Variants in RPGRIP1 observed in about 807,000 individuals in gnomAD.
The protein encoded by RPGRIP1 is RPGR interacting protein 1.
A neutral mutation model predicts 157.9 loss-of-function variants in RPGRIP1; 128 were observed. The observed-to-expected ratio is 0.81, with a 90% CI of 0.70 to 0.94. The LOEUF (loss-of-function observed/expected upper bound fraction) is 0.94, where lower values mean the gene tolerates loss of function less well. RPGRIP1 is among the 40% of genes least tolerant of loss of function. The pLI, the probability that RPGRIP1 is intolerant of heterozygous loss-of-function variation, is 0.00. For synonymous variants in RPGRIP1, 554 were observed against 571.6 expected, an observed-to-expected ratio of 0.97 and a Z score of 0.44; for missense variants, 1,486 against 1,545.8, an observed-to-expected ratio of 0.96 and a Z score of 0.65.
intron 11 of RPGRIP1, among the ~76,000 whole-genome samples, chr14:21,318,616 C>T (rs1266413624): frequency 6.6e-6 from 1 of 152,052 alleles, no homozygotes. Flanking sequence ...GCTGGGATTG[C>T]AGGTGCCCAC....
intron 1 of RPGRIP1, among the ~76,000 whole-genome samples, chr14:21,281,043 G>T (rs1880106412): frequency 6.7e-6 from 1 of 148,498 alleles, no homozygotes; most frequent in Non-Finnish European, 1.5e-5. Context: ...TTTTGAGACA[G>T]AATCTCTCTC....
At chr14:21,310,548 TAAATC>T (rs1312448360) in intron 7 of RPGRIP1, 31 bp from the exon 8 acceptor site, 1 of 1,138,924 alleles carries the variant, frequency 8.8e-7, no homozygotes. Flanking sequence ...ATGAAATTGA[TAAATC>T]AATAAAATAA....
At chr14:21,349,657 G>T (rs1428114762) in intron 24 of RPGRIP1, among the ~76,000 whole-genome samples, 1 of 151,854 alleles carries the variant, frequency 6.6e-6, no homozygotes, top group East Asian at 1.9e-4. Context: ...CCTCCACTCA[G>T]CCTCCCAAAG....
At chr14:21,295,456 TATTTATTTA>T (rs1880729159) in intron 3 of RPGRIP1, among the ~76,000 whole-genome samples, 1 of 136,710 alleles carries the variant, frequency 7.3e-6, no homozygotes, top group East Asian at 2.1e-4. Flanking sequence ...TTTATTTATT[TATTTATTTA>T]TTTATTTTTG....
chr14:21,350,628 G>A (rs1380782546), intron 24 of RPGRIP1, among the ~76,000 whole-genome samples: 4 of 152,114 alleles, frequency 2.6e-5, no homozygotes, highest in Admixed American at 1.3e-4. Context: ...TCTATAAAAC[G>A]GGAATAACAG....
At chr14:21,315,563 G>C (rs536157759) in intron 10 of RPGRIP1, among the ~76,000 whole-genome samples, 6 of 151,986 alleles carry the variant, frequency 3.9e-5, no homozygotes, top group Admixed American at 1.3e-4. Context: ...AAGGCAGCAG[G>C]GGGTAGATTG....
At chr14:21,319,895 G>C in intron 11 of RPGRIP1, 122 bp from the exon 12 acceptor site, 1 of 965,632 alleles carries the variant, frequency 1.0e-6, no homozygotes, top group Non-Finnish European at 1.5e-6. Context: ...ATAGAGAATT[G>C]CTTCTCAAAT....
At chr14:21,348,021 C>A in intron 23 of RPGRIP1, 151 bp from the exon 24 acceptor site, 1 of 612,542 alleles carries the variant, frequency 1.6e-6, no homozygotes, top group South Asian at 2.6e-5. Flanking sequence ...CAATTCCTGA[C>A]TTTTTTGCTT....
At chr14:21,283,564 G>C (rs990908245) in intron 1 of RPGRIP1, among the ~76,000 whole-genome samples, 2 of 152,050 alleles carry the variant, frequency 1.3e-5, no homozygotes, top group African/African-American at 4.8e-5. Context: ...GCCTCCCAAA[G>C]TGCTGGGATT....
At position 21,305,348 on chromosome 14, in the gene RPGRIP1, C is replaced by T. The variant is rs112809369; in HGVS notation, c.800+1805C>T. Among the ~76,000 whole-genome samples, 1,177 of 152,248 alleles carry T rather than the reference C, an allele frequency of 7.7e-3. 16 individuals carry two copies. The highest frequency in any genetic ancestry group is 0.027 in the African/African-American group (1,122 of 41,532). On this transcript the variant is annotated intron_variant, in intron 6 of 24. Transcript: ENST00000400017. ...TTGGCTTCTTTCACTTAGTAATATGCATTTAAGCTTGCTCCATGTCTTTTA... is the reference window on the plus strand; with the variant it reads ...TTGGCTTCTTTCACTTAGTAATATGTATTTAAGCTTGCTCCATGTCTTTTA...
chr14:21,329,191 T>C (rs922812409), intron 19 of RPGRIP1, among the ~76,000 whole-genome samples: 1 of 150,108 alleles, frequency 6.7e-6, no homozygotes, highest in African/African-American at 2.4e-5. Flanking sequence ...GGTATGTGCC[T>C]GTAATCCCAG....
intron 21 of RPGRIP1, among the ~76,000 whole-genome samples, chr14:21,337,841 C>T (rs1351241020): frequency 1.3e-5 from 2 of 150,868 alleles, no homozygotes; most frequent in South Asian, 2.1e-4. Flanking sequence ...CTGCAACCTC[C>T]GCCTCCCGGG....
chr14:21,324,829 C>CA lies in RPGRIP1; in HGVS notation c.1974_1975insA (p.Tyr659IlefsTer2). 1 of 1,614,066 alleles carries CA rather than the reference C, an allele frequency of 6.2e-7. No individual in the cohort carries two copies. Among genetic ancestry groups the CA allele is most frequent in the Non-Finnish European group, 8.5e-7 (1 of 1,179,904 alleles). On this transcript the variant is annotated frameshift_variant, in exon 15 of 25. Transcript: ENST00000400017. LOFTEE classifies it high-confidence loss of function. ...CTACCACTTTCTGCACCTATTCCTTCTATGACTTTGAAACCCACTGTACCC... is the reference window on the plus strand; with the variant it reads ...CTACCACTTTCTGCACCTATTCCTTCATATGACTTTGAAACCCACTGTACCC...
chr14:21,294,112 A>G (rs925380354), intron 2 of RPGRIP1, among the ~76,000 whole-genome samples: 12 of 151,782 alleles, frequency 7.9e-5, no homozygotes, highest in East Asian at 1.9e-4. Context: ...GTAAAATAAA[A>G]GCCTAATTGG....
At chr14:21,283,850 C>T (rs1464411878) in intron 1 of RPGRIP1, among the ~76,000 whole-genome samples, 1 of 151,882 alleles carries the variant, frequency 6.6e-6, no homozygotes, top group African/African-American at 2.4e-5. Context: ...GGGCTAGTCT[C>T]GAACTCCTGG....
intron 20 of RPGRIP1, among the ~76,000 whole-genome samples, chr14:21,332,319 G>A (rs1337320788): frequency 6.6e-6 from 1 of 152,212 alleles, no homozygotes; most frequent in South Asian, 2.1e-4. Context: ...TTTCTCATGA[G>A]AAGGATAATT....
rs1881557247 is a variant in RPGRIP1, at chr14:21,311,953, C to T, written c.1060C>T (p.Gln354Ter). The T allele has an allele frequency of 6.2e-7, 1 of 1,612,976 alleles. No homozygotes were observed. Among genetic ancestry groups the T allele is most frequent in the Non-Finnish European group, 8.5e-7 (1 of 1,179,478 alleles). The change falls in exon 9 of 25, where the codon CAG becomes TAG. Residue 354 changes from glutamine (Q) to a stop codon, truncating the protein, a stop_gained. Transcript: ENST00000400017. LOFTEE classifies it high-confidence loss of function. The part of the protein sequence containing the change: ...KSQLEDVSIL[Q>*]MTLKEFQERV... Reference sequence around the variant, plus strand: ...CCAACTGGAAGATGTGTCTATCTTGCAGATGACTCTGAAGGAGGTAAATAA... The same window carrying T: ...CCAACTGGAAGATGTGTCTATCTTGTAGATGACTCTGAAGGAGGTAAATAA...
chr14:21,303,289 ACTC>A, intron 5 of RPGRIP1, 39 bp from the exon 6 acceptor site: 34 of 1,451,554 alleles, frequency 2.3e-5, no homozygotes, highest in Non-Finnish European at 3.2e-5. Flanking sequence ...CCAATTCTAA[ACTC>A]CTGTAACAAC....
chr14:21,317,618 G>A (rs1313706051), intron 10 of RPGRIP1, 78 bp from the exon 11 acceptor site: 6 of 1,550,576 alleles, frequency 3.9e-6, no homozygotes, highest in Non-Finnish European at 5.2e-6. Context: ...AGGTCCAGGA[G>A]ATGCTGAAAC....
Sources: gnomAD v4.1 joint callset for allele counts (sites outside exome capture counted in the v4.1 genomes callset) on GRCh38, gnomAD v4.1.1 for gene constraint, MANE v1.5 for transcripts, NCBI Gene and HGNC (gene_info 2026-07-23, HGNC 2026-07-21) for gene names.